Variants in ARNT observed in about 807,000 individuals in gnomAD.
ARNT encodes aryl hydrocarbon receptor nuclear translocator, also known as class E basic helix-loop-helix protein 2.
Under a neutral mutation model 105.0 loss-of-function variants are expected in ARNT, and 30 were observed. That is an observed-to-expected ratio of 0.29 (90% CI 0.21 to 0.39). The LOEUF is 0.39. ARNT is among the 10% of genes least tolerant of loss of function. ARNT has a pLI of 1.00. For synonymous variants in ARNT, 304 were observed against 344.0 expected (o/e 0.88, Z 1.29); for missense variants, 748 against 978.7 (o/e 0.76, Z 3.15).
At chr1:150,865,701 C>G (rs894269181) in intron 1 of ARNT, among the ~76,000 whole-genome samples, 1 of 152,084 alleles carries the variant, frequency 6.6e-6, no homozygotes, top group Non-Finnish European at 1.5e-5. Context: ...GTGAGGGACC[C>G]GTACTGAAAA....
intron 1 of ARNT, among the ~76,000 whole-genome samples, chr1:150,875,308 T>C (rs1668087808): frequency 6.6e-6 from 1 of 152,200 alleles, no homozygotes; most frequent in Non-Finnish European, 1.5e-5. Context: ...AATTAACCAT[T>C]TCTTAAAATA....
chr1:150,819,808 T>C (rs587740469), intron 14 of ARNT, among the ~76,000 whole-genome samples: 1 of 152,348 alleles, frequency 6.6e-6, no homozygotes, highest in Non-Finnish European at 1.5e-5. Flanking sequence ...TGATCTAGAA[T>C]TTCTTTTGGG....
intron 1 of ARNT, among the ~76,000 whole-genome samples, chr1:150,870,375 T>C (rs886167095): frequency 1.3e-5 from 2 of 152,246 alleles, no homozygotes; most frequent in African/African-American, 4.8e-5. Context: ...CATTCATTTT[T>C]ATTCCACAAA....
intron 1 of ARNT, among the ~76,000 whole-genome samples, chr1:150,869,393 C>T (rs1453123525): frequency 7.2e-5 from 11 of 151,816 alleles, no homozygotes; most frequent in Admixed American, 1.3e-4. Context: ...AGGAGAATGG[C>T]GTGAACCTGG....
intron 14 of ARNT, among the ~76,000 whole-genome samples, chr1:150,819,357 T>G (rs1656597579): frequency 6.6e-6 from 1 of 152,154 alleles, no homozygotes; most frequent in Non-Finnish European, 1.5e-5. Context: ...AGTTACTATG[T>G]GGCCAGCAAT....
rs1402986596 is a variant in ARNT at position 150,810,653 on chromosome 1, TG to T, written c.*1367del. The T allele has an allele frequency of 2.9e-5, 6 of 209,322 alleles. No homozygotes were observed. Among genetic ancestry groups the T allele is most frequent in the Admixed American group, 6.0e-5 (1 of 16,740 alleles). 13.0% of individuals were successfully genotyped at this position (209,322 alleles called of 1,614,324 possible). A position where few individuals can be genotyped will look rare whatever the true frequency, so the allele number is the denominator to read the frequency against. On this transcript the variant is annotated 3_prime_UTR_variant, in exon 22 of 22. Coordinates refer to ENST00000358595, the MANE Select transcript of ARNT (RefSeq NM_001668.4). ...AATTTAAAAAAAAAAAAAAAAAAGC[TG>T]GTATCTACGACTGTTACCTGAGGAA...
chr1:150,871,783 C>T (rs1667482323), intron 1 of ARNT, among the ~76,000 whole-genome samples: 1 of 150,452 alleles, frequency 6.6e-6, no homozygotes, highest in Non-Finnish European at 1.5e-5. Flanking sequence ...TGGCAGGTGC[C>T]TGTAATCCCA....
At chr1:150,856,483 C>T (rs1052035530) in intron 2 of ARNT, among the ~76,000 whole-genome samples, 1 of 151,700 alleles carries the variant, frequency 6.6e-6, no homozygotes, top group Admixed American at 6.6e-5. Flanking sequence ...AAATATTAGG[C>T]CGGGCATGGT....
In ARNT at chr1:150,818,761, A is replaced by AAACC. The variant is rs10645938; in HGVS notation, c.1395-732_1395-731insGGTT. Among the ~76,000 whole-genome samples, 566 of 151,824 alleles carry AAACC rather than the reference A, an allele frequency of 3.7e-3. 8 individuals are homozygous for AAACC. Among genetic ancestry groups the AAACC allele is most frequent in the African/African-American group, 0.013 (534 of 41,386 alleles). ...GAGACACTGTCTCAATGAAACAAACAAACAAACAAATCCCTAAAAGCTAAT... is the reference window on the plus strand; with the variant it reads ...GAGACACTGTCTCAATGAAACAAACAAACCAACAAACAAATCCCTAAAAGCTAAT... On this transcript the variant is annotated intron_variant, in intron 14 of 21. Transcript: ENST00000358595.
At chr1:150,872,319 G>A (rs1365450935) in intron 1 of ARNT, among the ~76,000 whole-genome samples, 2 of 151,950 alleles carry the variant, frequency 1.3e-5, no homozygotes, top group African/African-American at 4.8e-5. Context: ...ATCTGAAAAA[G>A]GTAAATAAAG....
In ARNT at chr1:150,826,663, A is replaced by G. The variant is rs766598492; in HGVS notation, c.1168-46T>C. On this transcript the variant is annotated intron_variant, in intron 12 of 21. Transcript: ENST00000358595. ...TAAGATATATACTTTTTTTTTTTTA[A>G]GATGGAGTTTCGCTCTTGTTGCCCA... 4.2e-6 allele frequency: 6 copies of G among 1,435,924 alleles called. No individual in the cohort carries two copies. In the South Asian group the frequency reaches 7.3e-5, roughly 18 times the overall value. 88.9% of individuals were successfully genotyped at this position (1,435,924 alleles called of 1,614,324 possible).
intron 13 of ARNT, among the ~76,000 whole-genome samples, chr1:150,825,224 TA>T (rs1657953117): frequency 6.6e-6 from 1 of 152,148 alleles, no homozygotes; most frequent in Non-Finnish European, 1.5e-5. Context: ...TCTATATTCC[TA>T]AAAATTAAAA....
chr1:150,855,488 G>A (rs1043940722), intron 2 of ARNT, among the ~76,000 whole-genome samples: 2 of 152,006 alleles, frequency 1.3e-5, no homozygotes, highest in African/African-American at 2.4e-5. Flanking sequence ...CATGAACCCA[G>A]GAGGCGGAGC....
At chr1:150,855,819 T>C (rs1017818017) in intron 2 of ARNT, among the ~76,000 whole-genome samples, 5 of 151,244 alleles carry the variant, frequency 3.3e-5, no homozygotes, top group African/African-American at 9.7e-5. Context: ...GGAGGATTGC[T>C]TCCTGGGCCC....
intron 10 of ARNT, 27 bp from the exon 11 acceptor site, chr1:150,830,007 T>G: frequency 1.2e-6 from 2 of 1,612,840 alleles, no homozygotes; most frequent in Non-Finnish European, 1.7e-6. Context: ...TTAAAAGGTT[T>G]AACGGGGACC....
intron 2 of ARNT, among the ~76,000 whole-genome samples, chr1:150,854,979 GAA>G (rs1356531821): frequency 6.6e-6 from 1 of 150,500 alleles, no homozygotes; most frequent in African/African-American, 2.4e-5. Flanking sequence ...CTAAGTCAAA[GAA>G]AAAAAAGTCT....
chr1:150,865,264 T>C (rs1040411548), intron 1 of ARNT, among the ~76,000 whole-genome samples: 1 of 152,158 alleles, frequency 6.6e-6, no homozygotes, highest in Non-Finnish European at 1.5e-5. Context: ...AAAAAATTTT[T>C]AAAAGCAAAA....
Position 150,810,547 on chromosome 1 carries a change from C to T in ARNT, c.*1474G>A. 4.6e-6 allele frequency: 1 copy of T among 219,528 alleles called. No homozygotes were observed. Among genetic ancestry groups the T allele is most frequent in the Non-Finnish European group, 9.2e-6 (1 of 109,092 alleles). The allele number at this position is 219,528 out of a possible 1,614,324, so 13.6% of individuals were successfully genotyped here. A position where few individuals can be genotyped will look rare whatever the true frequency, so the allele number is the denominator to read the frequency against. ...TTCCTTTGGCCTCTTCAAGGCCACC[C>T]TTGCTCCTCAGTCCCCTATGACTAC... is the stretch of plus-strand genomic sequence containing the variant. On this transcript the variant is annotated 3_prime_UTR_variant, in exon 22 of 22. Coordinates refer to ENST00000358595, the MANE Select transcript of ARNT (RefSeq NM_001668.4).
At chr1:150,864,845 A>C (rs981770682) in intron 1 of ARNT, among the ~76,000 whole-genome samples, 6 of 148,388 alleles carry the variant, frequency 4.0e-5, no homozygotes, top group African/African-American at 1.5e-4. Context: ...GTAAAAAAAA[A>C]ATTGCCCCTG....
Sources: allele counts gnomAD v4.1 joint callset (sites outside exome capture counted in the v4.1 genomes callset), GRCh38; gene constraint gnomAD v4.1.1; transcripts MANE v1.5; gene names NCBI Gene and HGNC (gene_info 2026-07-23, HGNC 2026-07-21).